The following NTM variants were observed in gnomAD, a reference collection of about 807,000 sequenced individuals.
NTM encodes the protein neurotrimin.
Under a neutral mutation model 42.1 loss-of-function variants are expected in NTM, and 13 were observed. That is an observed-to-expected ratio of 0.31 (90% CI 0.20 to 0.49). The LOEUF is 0.49. Among genes scored for constraint, NTM ranks in the 20% least tolerant of loss-of-function variants. The pLI is 0.99. For missense variants in NTM, 373 were observed against 452.8 expected (o/e 0.82, Z 1.60); for synonymous variants, 187 against 179.2 (o/e 1.04, Z -0.35).
chr11:132,134,348 G>A (rs909955433), intron 2 of NTM, among the ~76,000 whole-genome samples: 1 of 151,834 alleles, frequency 6.6e-6, no homozygotes, highest in Admixed American at 6.6e-5. Flanking sequence ...TATTTCAGTA[G>A]GTTAGTGGGG....
At chr11:132,089,617 C>T (rs998901993) in intron 2 of NTM, among the ~76,000 whole-genome samples, 5 of 152,142 alleles carry the variant, frequency 3.3e-5, no homozygotes, top group Admixed American at 6.5e-5. Context: ...CCCTGGGCTT[C>T]GTCTTCAACA....
intron 1 of NTM, among the ~76,000 whole-genome samples, chr11:131,703,752 G>A (rs1354028707): frequency 6.6e-6 from 1 of 152,202 alleles, no homozygotes; most frequent in African/African-American, 2.4e-5. Context: ...CCACCCAAAC[G>A]TCACTCAGCC....
chr11:131,815,288 T>A (rs545986065), intron 1 of NTM, among the ~76,000 whole-genome samples: 2 of 152,208 alleles, frequency 1.3e-5, no homozygotes, highest in South Asian at 4.2e-4. Flanking sequence ...AGGACTGCCT[T>A]CTGGGAGCTG....
intron 1 of NTM, among the ~76,000 whole-genome samples, chr11:131,789,625 GAA>G (rs1414051154): frequency 1.2e-5 from 1 of 85,564 alleles, no homozygotes; most frequent in Admixed American, 1.2e-4. Context: ...AGAAGAAGAA[GAA>G]GAAGAAGAAA....
chr11:131,557,433 T>G (rs954961305), intron 1 of NTM, among the ~76,000 whole-genome samples: 9 of 152,206 alleles, frequency 5.9e-5, no homozygotes, highest in Non-Finnish European at 1.3e-4. Context: ...ATTTTTAAAG[T>G]GCAGAGGTGG....
At chr11:131,529,185 A>G (rs1316507401) in intron 1 of NTM, among the ~76,000 whole-genome samples, 1 of 152,236 alleles carries the variant, frequency 6.6e-6, no homozygotes, top group Non-Finnish European at 1.5e-5. Flanking sequence ...TAATGGCACA[A>G]TTTGACATCC....
chr11:131,804,557 C>T (rs2092371928), intron 1 of NTM, among the ~76,000 whole-genome samples: 1 of 152,156 alleles, frequency 6.6e-6, no homozygotes, highest in South Asian at 2.1e-4. Flanking sequence ...CCCATCCCAT[C>T]CACCTCACCA....
At chr11:131,875,643 G>A (rs2048423957) in intron 1 of NTM, among the ~76,000 whole-genome samples, 1 of 152,194 alleles carries the variant, frequency 6.6e-6, no homozygotes, top group African/African-American at 2.4e-5. Context: ...GAAAGCAAAA[G>A]GATCCTTCAA....
chr11:131,688,558 C>G (rs1480068599), intron 1 of NTM, among the ~76,000 whole-genome samples: 1 of 152,364 alleles, frequency 6.6e-6, no homozygotes, highest in South Asian at 2.1e-4. Flanking sequence ...GCTGGGCAGG[C>G]TCTTCTCTGG....
At position 131,482,731 on chromosome 11, in the gene NTM, C is replaced by A. The variant is rs74379919; in HGVS notation, c.82+111843C>A. On this transcript the variant is annotated intron_variant, in intron 1 of 8. Transcript: ENST00000683400. The stretch of plus-strand genomic sequence containing the variant: ...TCATAAGCTAATCTTCTGTGATAAG[C>A]TTTTATGATGCAAATTTGGGAGAGT... 3.3e-4 allele frequency among the ~76,000 whole-genome samples: 50 copies of A among 152,252 alleles called. 2 individuals carry two copies. The East Asian group carries it at 9.3e-3, about 28-fold the overall frequency.
At chr11:131,691,125 T>G (rs1479392794) in intron 1 of NTM, among the ~76,000 whole-genome samples, 1 of 152,258 alleles carries the variant, frequency 6.6e-6, no homozygotes, top group South Asian at 2.1e-4. Flanking sequence ...GGCTGTGCTC[T>G]AAGCAAAGCC....
In NTM at chr11:132,004,605, T is replaced by TTCTCTCTC. The variant is rs71480226; in HGVS notation, c.167+92980_167+92987dup. On this transcript the variant is annotated intron_variant, in intron 2 of 8. Transcript: ENST00000683400. ...AAGAAGTTTCTCTCTCTTTCTCTCT[T>TTCTCTCTC]TCTCTCTCTCTCTCTCTCTCTCTCT... is the stretch of plus-strand genomic sequence containing the variant. 4.4e-3 allele frequency among the ~76,000 whole-genome samples: 633 copies of TTCTCTCTC among 144,118 alleles called. 4 individuals carry two copies. Among genetic ancestry groups the TTCTCTCTC allele is most frequent in the South Asian group, 0.015 (68 of 4,404 alleles). 94.5% of individuals were successfully genotyped at this position (144,118 alleles called of 152,430 possible).
intron 1 of NTM, among the ~76,000 whole-genome samples, chr11:131,881,816 A>G (rs1304586940): frequency 6.6e-6 from 1 of 152,184 alleles, no homozygotes; most frequent in African/African-American, 2.4e-5. Flanking sequence ...TGAAGATGAG[A>G]AGTGACCTGC....
chr11:132,039,925 A>T (rs1256994698), intron 2 of NTM, among the ~76,000 whole-genome samples: 2 of 151,876 alleles, frequency 1.3e-5, no homozygotes. Flanking sequence ...CCCAAAGCAG[A>T]TATTACTTTT....
chr11:131,493,167 A>T (rs1160871536), intron 1 of NTM, among the ~76,000 whole-genome samples: 2 of 152,044 alleles, frequency 1.3e-5, no homozygotes, highest in Admixed American at 6.6e-5. Flanking sequence ...GAGTCCAGGG[A>T]GGTTGATGCC....
At chr11:132,070,445 A>C (rs1323990510) in intron 2 of NTM, among the ~76,000 whole-genome samples, 1 of 135,494 alleles carries the variant, frequency 7.4e-6, no homozygotes, top group East Asian at 2.2e-4. Flanking sequence ...AACACGTCAC[A>C]CAGCCAAGTT....
chr11:132,018,551 C>T (rs1449988402), intron 2 of NTM, among the ~76,000 whole-genome samples: 2 of 151,984 alleles, frequency 1.3e-5, no homozygotes, highest in South Asian at 2.1e-4. Flanking sequence ...GATACTAAGT[C>T]AAGCTATCAT....
chr11:131,723,491 A>G (rs1451915719), intron 1 of NTM, among the ~76,000 whole-genome samples: 1 of 152,158 alleles, frequency 6.6e-6, no homozygotes, highest in Non-Finnish European at 1.5e-5. Flanking sequence ...AAGATGGTAA[A>G]AGGTCACTCC....
intron 2 of NTM, among the ~76,000 whole-genome samples, chr11:132,104,609 G>GTAATAATAATAA (rs147673814): frequency 5.5e-5 from 8 of 146,326 alleles, no homozygotes; most frequent in African/African-American, 1.8e-4. Context: ...ATAACTAATA[G>GTAATAATAATAA]TAATAATCAT....
Sources: gnomAD v4.1 joint callset for allele counts (sites outside exome capture counted in the v4.1 genomes callset) on GRCh38, gnomAD v4.1.1 for gene constraint, MANE v1.5 for transcripts, NCBI Gene and HGNC (gene_info 2026-07-23, HGNC 2026-07-21) for gene names.